The following DSE variants were observed in gnomAD, a reference collection of about 807,000 sequenced individuals.
DSE encodes dermatan sulfate epimerase.
In DSE, 36 loss-of-function variants were observed where a neutral mutation model predicts 84.4. That is an observed-to-expected ratio of 0.43 (90% confidence interval 0.33 to 0.56). DSE has a LOEUF of 0.56. DSE is among the 20% of genes least tolerant of loss of function. DSE has a pLI of 0.06. For synonymous variants in DSE, 410 were observed against 430.1 expected (o/e 0.95, Z 0.58); for missense variants, 862 against 1,169.6 (o/e 0.74, Z 3.84).
At chr6:116,387,159 T>C (rs967200836) in intron 1 of DSE, among the ~76,000 whole-genome samples, 10 of 152,110 alleles carry the variant, frequency 6.6e-5, no homozygotes, top group African/African-American at 2.4e-4. Context: ...ACAGAGAAAC[T>C]AACCCACAAG....
rs748155149 is a variant in DSE, at chr6:116,437,117, A to G, written c.2649A>G (p.Ala883=). The G allele has an allele frequency of 1.7e-5, 28 of 1,614,168 alleles. 2 individuals carry two copies. In the South Asian group the frequency reaches 3.1e-4, roughly 18 times the overall value. The change falls in exon 6 of 6, where the codon GCA becomes GCG. Residue 883 remains alanine, a synonymous_variant. Coordinates refer to ENST00000644252, the MANE Select transcript of DSE (RefSeq NM_013352.4). ...GGLIKGRFGQ[A]RMVTTTHSRA... ...TGATTAAAGGCCGGTTTGGACAGGC[A>G]CGGATGGTGACAACTACACACAGCA...
At chr6:116,280,273 C>A (rs1562199951) in intron 2 of DSE, 1 of 244,802 alleles carries the variant, frequency 4.1e-6, no homozygotes, top group Admixed American at 5.1e-5. Flanking sequence ...AAATCTATTC[C>A]CTGTTACTCC....
chr6:116,266,475 A>T (rs1772635441), intron 2 of DSE, among the ~76,000 whole-genome samples: 1 of 152,210 alleles, frequency 6.6e-6, no homozygotes, highest in Admixed American at 6.5e-5. Flanking sequence ...TGTTATTAGT[A>T]GTAGAACATT....
chr6:116,291,324 G>A (rs1209948737), intron 2 of DSE, among the ~76,000 whole-genome samples: 1 of 152,024 alleles, frequency 6.6e-6, no homozygotes, highest in Non-Finnish European at 1.5e-5. Context: ...ATTGATAAGA[G>A]AGCTTGGTAA....
intron 2 of DSE, among the ~76,000 whole-genome samples, chr6:116,271,897 AGT>A (rs1772894676): frequency 6.6e-6 from 1 of 152,220 alleles, no homozygotes; most frequent in Non-Finnish European, 1.5e-5. Context: ...AGTTTTGAAA[AGT>A]GGATACACCT....
At chr6:116,324,292 G>T (rs911460996) in intron 2 of DSE, among the ~76,000 whole-genome samples, 7 of 152,182 alleles carry the variant, frequency 4.6e-5, no homozygotes, top group African/African-American at 1.4e-4. Context: ...CTAACTCCAA[G>T]ATATATACAA....
At chr6:116,289,873 A>G (rs1001079198) in intron 2 of DSE, among the ~76,000 whole-genome samples, 1 of 152,056 alleles carries the variant, frequency 6.6e-6, no homozygotes, top group Non-Finnish European at 1.5e-5. Flanking sequence ...AAGCCATTCT[A>G]TGCACATCTG....
At chr6:116,420,376 A>G (rs948995703) in intron 2 of DSE, among the ~76,000 whole-genome samples, 1 of 152,218 alleles carries the variant, frequency 6.6e-6, no homozygotes, top group African/African-American at 2.4e-5. Context: ...TGGGGCTCTC[A>G]TGATAGGATA....
chr6:116,257,895 C>T (rs191205152), intron 1 of DSE, among the ~76,000 whole-genome samples: 2 of 152,302 alleles, frequency 1.3e-5, no homozygotes, highest in East Asian at 3.9e-4. Flanking sequence ...AGCCTGCCCC[C>T]ATCCATAAAA....
intron 2 of DSE, among the ~76,000 whole-genome samples, chr6:116,281,349 T>G (rs1773518233): frequency 6.6e-6 from 1 of 152,162 alleles, no homozygotes; most frequent in African/African-American, 2.4e-5. Flanking sequence ...TCCAGCACTA[T>G]AAGAAAATAA....
chr6:116,437,333 A>G lies in DSE; in HGVS notation c.2865A>G (p.Gln955=), dbSNP rs1784249318. 1 of 1,609,444 alleles carries G rather than the reference A, an allele frequency of 6.2e-7. No individual in the cohort carries two copies. Among genetic ancestry groups the G allele is most frequent in the African/African-American group, 1.3e-5 (1 of 74,690 alleles). ...ILLWLYSSCS[Q]SQC is the part of the protein sequence containing the mutation. ...TATGGTTGTACTCTTCTTGTTCCCA[A>G]TCACAGTGTTAGCACTGAAGCTATA... Residue 955 remains glutamine (Q), a synonymous_variant, in exon 6 of 6, where the codon CAA becomes CAG. Transcript: ENST00000644252.
At chr6:116,263,841 T>C (rs1209481208) in intron 2 of DSE, among the ~76,000 whole-genome samples, 2 of 152,228 alleles carry the variant, frequency 1.3e-5, no homozygotes, top group African/African-American at 4.8e-5. Flanking sequence ...AGGATCTTAT[T>C]TATCCTTTGC....
intron 2 of DSE, among the ~76,000 whole-genome samples, chr6:116,347,121 G>T (rs181020564): frequency 2.6e-5 from 4 of 152,206 alleles, no homozygotes; most frequent in African/African-American, 9.6e-5. Flanking sequence ...AATAAAAGAG[G>T]ACACAAACAA....
chr6:116,308,307 T>G (rs1448394675), intron 2 of DSE, among the ~76,000 whole-genome samples: 1 of 152,236 alleles, frequency 6.6e-6, no homozygotes, highest in Non-Finnish European at 1.5e-5. Flanking sequence ...TTTGTTTTGT[T>G]TTTAAGCTCG....
intron 2 of DSE, among the ~76,000 whole-genome samples, chr6:116,311,048 G>T (rs907751778): frequency 6.6e-6 from 1 of 152,140 alleles, no homozygotes; most frequent in Non-Finnish European, 1.5e-5. Flanking sequence ...CTTCACACAT[G>T]CTGCACTTCT....
intron 2 of DSE, among the ~76,000 whole-genome samples, chr6:116,347,807 A>G (rs1236214889): frequency 6.6e-6 from 1 of 152,244 alleles, no homozygotes; most frequent in African/African-American, 2.4e-5. Flanking sequence ...ATCTAATTAA[A>G]CTAAAGAGCT....
At chr6:116,389,439 C>G (rs1411260991) in intron 1 of DSE, among the ~76,000 whole-genome samples, 2 of 151,976 alleles carry the variant, frequency 1.3e-5, no homozygotes, top group African/African-American at 4.8e-5. Flanking sequence ...TTTAATCTCC[C>G]AACCAGTCAG....
intron 1 of DSE, among the ~76,000 whole-genome samples, chr6:116,376,642 A>T (rs1779949616): frequency 6.6e-6 from 1 of 152,284 alleles, no homozygotes. Context: ...TGTAAACATG[A>T]TTTTGGTAGT....
chr6:116,283,378 T>C (rs1235984828), intron 2 of DSE, among the ~76,000 whole-genome samples: 1 of 152,238 alleles, frequency 6.6e-6, no homozygotes, highest in Admixed American at 6.5e-5. Context: ...TAGCACTTAA[T>C]TGTGCTTCTC....
Sources: allele counts gnomAD v4.1 joint callset (sites outside exome capture counted in the v4.1 genomes callset), GRCh38; gene constraint gnomAD v4.1.1; transcripts MANE v1.5; gene names NCBI Gene and HGNC (gene_info 2026-07-23, HGNC 2026-07-21).